The following SYPL1 variants were observed in gnomAD, a reference collection of about 807,000 sequenced individuals.
SYPL1 encodes the protein synaptophysin like 1.
Under a neutral mutation model 23.7 loss-of-function variants are expected in SYPL1, and 6 were observed. That is an observed-to-expected ratio of 0.25 (90% CI 0.14 to 0.50). The LOEUF (loss-of-function observed/expected upper bound fraction) is 0.50. Ranked by LOEUF, SYPL1 falls within the 20% of genes least tolerant of loss-of-function variation. SYPL1 has a pLI of 0.98. For synonymous variants in SYPL1, 102 were observed against 104.5 expected, an observed-to-expected ratio of 0.98 and a Z score of 0.15; for missense variants, 253 against 288.9, an observed-to-expected ratio of 0.88 and a Z score of 0.90.
chr7:106,093,644 T>G (rs10261770), intron 3 of SYPL1, among the ~76,000 whole-genome samples: 7,204 of 127,638 alleles, frequency 0.056, 1,015 homozygotes, highest in African/African-American at 0.17. Flanking sequence ...TCACTTATTT[T>G]AATCAATTTC....
chr7:106,103,881 CA>C (rs1300442670), intron 1 of SYPL1, among the ~76,000 whole-genome samples: 1 of 152,126 alleles, frequency 6.6e-6, no homozygotes, highest in Non-Finnish European at 1.5e-5. Context: ...GGAATTTCCT[CA>C]ATTGTTTTTC....
upstream of SYPL1, chr7:106,112,448 G>A (rs1163695148): frequency 6.8e-6 from 10 of 1,460,340 alleles, no homozygotes; most frequent in African/African-American, 1.5e-5. Context: ...GGGCCGGGGC[G>A]GAGACCGGGA....
chr7:106,109,249 T>C lies in SYPL1; in HGVS notation c.69+2891A>G, dbSNP rs1790020977. Among the ~76,000 whole-genome samples the C allele has an allele frequency of 6.6e-6, 1 of 152,216 alleles. No individual in the cohort carries two copies. Among genetic ancestry groups the C allele is most frequent in the Non-Finnish European group, 1.5e-5 (1 of 68,028 alleles). ...AGTTGTAAGCTGAACTAGTGGCTTT[T>C]TTTTGTAACCACCAAATTTCTCCCA... On this transcript the variant is annotated intron_variant, in intron 1 of 4. Coordinates refer to ENST00000455385, the MANE Select transcript of SYPL1 (RefSeq NM_182715.4). This position sits in a 1 kb window ranked among gnomAD's most constrained non-coding sequence, Gnocchi z 4.3.
chr7:106,102,399 G>A (rs1840374917), intron 1 of SYPL1, among the ~76,000 whole-genome samples: 1 of 152,156 alleles, frequency 6.6e-6, no homozygotes, highest in Middle Eastern at 3.2e-3. Flanking sequence ...CCCGGCCAAA[G>A]ATTGCAACTT....
In SYPL1 at chr7:106,097,981, A is replaced by G. The variant is rs1418787350; in HGVS notation, c.195-84T>C. 1.8e-6 allele frequency: 2 copies of G among 1,085,358 alleles called. No individual in the cohort carries two copies. The highest frequency in any genetic ancestry group is 5.0e-5 in the East Asian group (2 of 39,710). The allele number at this position is 1,085,358 out of a possible 1,614,324, so 67.2% of individuals were successfully genotyped here. ...CAAAACAATGAGTGACACTTCAAAA[A>G]ATACTCCCCAAATATATTAAAAACA... On this transcript the variant is annotated intron_variant, in intron 2 of 4. Coordinates refer to ENST00000455385, the MANE Select transcript of SYPL1 (RefSeq NM_182715.4). This position sits in a 1 kb window ranked among gnomAD's most constrained non-coding sequence, Gnocchi z 4.6.
At chr7:106,099,633 A>G (rs1239651433) in intron 1 of SYPL1, among the ~76,000 whole-genome samples, 4 of 152,076 alleles carry the variant, frequency 2.6e-5, no homozygotes, top group Non-Finnish European at 2.9e-5. Context: ...AACTCAAGCA[A>G]TCCTCCCATC....
chr7:106,096,897 G>A lies in SYPL1; in HGVS notation c.402+793C>T, dbSNP rs557900064. 7.9e-5 allele frequency among the ~76,000 whole-genome samples: 12 copies of A among 152,242 alleles called. No individual in the cohort carries two copies. The South Asian group carries it at 2.5e-3, about 32-fold the overall frequency. ...GGCAATGTGTAAATGATTGTGTATG[G>A]CTGAGTTCCAAAAAAAACCTTTATT... On this transcript the variant is annotated intron_variant, in intron 3 of 4. Transcript: ENST00000455385. This position sits in a 1 kb window ranked among gnomAD's most constrained non-coding sequence, Gnocchi z 4.4.
At chr7:106,110,552 G>T (rs1423304597) in intron 1 of SYPL1, among the ~76,000 whole-genome samples, 1 of 152,120 alleles carries the variant, frequency 6.6e-6, no homozygotes, top group Non-Finnish European at 1.5e-5. Flanking sequence ...TACAGATCTG[G>T]TATAAAATAG....
intron 1 of SYPL1, among the ~76,000 whole-genome samples, chr7:106,106,351 C>G (rs1433143713): frequency 6.6e-6 from 1 of 151,714 alleles, no homozygotes. Flanking sequence ...TGTTCGAAAC[C>G]AGCCTGGCCA....
intron 1 of SYPL1, among the ~76,000 whole-genome samples, chr7:106,110,391 A>T (rs909031391): frequency 3.9e-5 from 6 of 152,200 alleles, no homozygotes; most frequent in African/African-American, 1.4e-4. Flanking sequence ...TCCTCCAAGC[A>T]AATGCTCTCT....
upstream of SYPL1, chr7:106,112,463 T>A: frequency 6.7e-7 from 1 of 1,486,486 alleles, no homozygotes; most frequent in Non-Finnish European, 8.9e-7. Context: ...CCGGGAGGCT[T>A]CTCCTCAGGC....
At position 106,096,781 on chromosome 7, in the gene SYPL1, C is replaced by T. The variant is rs1263632815; in HGVS notation, c.402+909G>A. 6.6e-6 allele frequency among the ~76,000 whole-genome samples: 1 copy of T among 152,192 alleles called. No homozygotes were observed. Among genetic ancestry groups the T allele is most frequent in the African/African-American group, 2.4e-5 (1 of 41,454 alleles). ...TTTAGGGACATAGACCAGGAATCAA[C>T]AAACTTCTTTTGAAAAGGGCCAAAT... On this transcript the variant is annotated intron_variant, in intron 3 of 4. Transcript: ENST00000455385. This position sits in a 1 kb window ranked among gnomAD's most constrained non-coding sequence, Gnocchi z 4.4.
At chr7:106,103,220 A>G (rs1284826691) in intron 1 of SYPL1, among the ~76,000 whole-genome samples, 6 of 152,232 alleles carry the variant, frequency 3.9e-5, no homozygotes, top group Admixed American at 2.6e-4. Flanking sequence ...GGCAAAAAAG[A>G]TATAAGAATT....
intron 1 of SYPL1, among the ~76,000 whole-genome samples, chr7:106,101,316 A>G (rs1253678413): frequency 2.0e-5 from 3 of 152,102 alleles, no homozygotes; most frequent in Non-Finnish European, 4.4e-5. Flanking sequence ...TGCAGATTTG[A>G]TATCAAATAT....
At chr7:106,099,457 T>C (rs1840201101) in intron 1 of SYPL1, among the ~76,000 whole-genome samples, 175 bp from the exon 2 acceptor site, 1 of 152,184 alleles carries the variant, frequency 6.6e-6, no homozygotes, top group Admixed American at 6.6e-5. Flanking sequence ...ACTGGCACGA[T>C]CAGGGCTCAC....
At chr7:106,110,330 A>G (rs879622811) in intron 1 of SYPL1, among the ~76,000 whole-genome samples, 32 of 152,236 alleles carry the variant, frequency 2.1e-4, no homozygotes, top group Admixed American at 2.0e-3. Flanking sequence ...TCCCCAAGTG[A>G]ACCAGTACCC....
upstream of SYPL1, chr7:106,112,504 C>G: frequency 6.6e-7 from 1 of 1,524,024 alleles, no homozygotes; most frequent in Non-Finnish European, 8.8e-7. Flanking sequence ...GATCCGCTGG[C>G]GAACCAAGTA....
intron 1 of SYPL1, among the ~76,000 whole-genome samples, chr7:106,105,089 A>G (rs1840525263): frequency 6.6e-6 from 1 of 152,218 alleles, no homozygotes; most frequent in South Asian, 2.1e-4. Context: ...CACTTATGGC[A>G]GAGTATGTGC....
At chr7:106,111,976 A>T in intron 1 of SYPL1, 164 bp downstream of exon 1, 2 of 909,656 alleles carry the variant, frequency 2.2e-6, no homozygotes. Context: ...CGCGCGGCCC[A>T]GGCCGCGGCC....
Sources: gnomAD v4.1 joint callset for allele counts (sites outside exome capture counted in the v4.1 genomes callset) on GRCh38, gnomAD v4.1.1 for gene constraint, Gnocchi (gnomAD v3.1) non-coding constraint, MANE v1.5 for transcripts, NCBI Gene and HGNC (gene_info 2026-07-23, HGNC 2026-07-21) for gene names.